CAST: variants seen among roughly 807,000 people sequenced by gnomAD.
The protein encoded by CAST is calpastatin.
Under a neutral mutation model 119.6 loss-of-function variants are expected in CAST, and 76 were observed. That is an observed-to-expected ratio of 0.64 (90% CI 0.53 to 0.77). CAST has a LOEUF of 0.77. Ranked by LOEUF, CAST falls within the 30% of genes least tolerant of loss-of-function variation. The pLI, the probability that CAST is intolerant of heterozygous loss-of-function variation, is 0.00. For synonymous variants in CAST, 319 were observed against 331.6 expected, an observed-to-expected ratio of 0.96 and a Z score of 0.41; for missense variants, 953 against 946.5, an observed-to-expected ratio of 1.01 and a Z score of -0.09.
chr5:96,376,738 C>A, the CAST span, among the ~76,000 whole-genome samples: 2 of 152,174 alleles, frequency 1.3e-5, no homozygotes, highest in Non-Finnish European at 2.9e-5. Flanking sequence ...CCATACCCAG[C>A]CCCATACTAT....
chr5:96,225,054 G>A, the CAST span, among the ~76,000 whole-genome samples: 7 of 152,204 alleles, frequency 4.6e-5, no homozygotes, highest in Non-Finnish European at 7.3e-5. Context: ...TTGATGGCGT[G>A]GAGGTAACTT....
chr5:96,385,218 G>A, the CAST span, among the ~76,000 whole-genome samples: 279 of 152,292 alleles, frequency 1.8e-3, no homozygotes, highest in African/African-American at 6.3e-3. Flanking sequence ...TCCTAAGAAC[G>A]TTGGTTCCTT....
At chr5:96,441,846 C>T in the CAST span, among the ~76,000 whole-genome samples, 1 of 152,074 alleles carries the variant, frequency 6.6e-6, no homozygotes, top group Non-Finnish European at 1.5e-5. Flanking sequence ...TGTGATTATG[C>T]GTATGGGTGA....
chr5:96,465,744 G>A, the CAST span, among the ~76,000 whole-genome samples: 2 of 152,006 alleles, frequency 1.3e-5, no homozygotes, highest in African/African-American at 4.8e-5. Context: ...TTTATCCTTA[G>A]GTTACCATGA....
At chr5:96,342,928 A>T in the CAST span, among the ~76,000 whole-genome samples, 2 of 152,208 alleles carry the variant, frequency 1.3e-5, no homozygotes, top group Non-Finnish European at 2.9e-5. Context: ...AATGTCTTTA[A>T]AATTATGATA....
At chr5:96,450,593 T>G in the CAST span, among the ~76,000 whole-genome samples, 2 of 152,180 alleles carry the variant, frequency 1.3e-5, no homozygotes, top group Non-Finnish European at 2.9e-5. Context: ...CCCATATAAA[T>G]AAGTAAATAA....
the CAST span, among the ~76,000 whole-genome samples, chr5:96,388,896 TAC>T: frequency 5.9e-5 from 9 of 151,934 alleles, no homozygotes; most frequent in African/African-American, 1.7e-4. Context: ...TACATATATA[TAC>T]ACACACACAT....
the CAST span, among the ~76,000 whole-genome samples, chr5:96,473,021 C>G: frequency 6.6e-6 from 1 of 152,218 alleles, no homozygotes; most frequent in Non-Finnish European, 1.5e-5. Flanking sequence ...ATGGCCTTCC[C>G]TGTATGGGTC....
the CAST span, among the ~76,000 whole-genome samples, chr5:95,966,269 C>T: frequency 2.0e-5 from 3 of 152,136 alleles, no homozygotes; most frequent in East Asian, 5.8e-4. Context: ...CTAAAACCCT[C>T]CCTAGCCTTG....
At chr5:96,457,802 G>T in the CAST span, among the ~76,000 whole-genome samples, 2 of 152,176 alleles carry the variant, frequency 1.3e-5, no homozygotes, top group African/African-American at 4.8e-5. Flanking sequence ...CAAAAGGATG[G>T]TGTGGGGACA....
the CAST span, among the ~76,000 whole-genome samples, chr5:96,454,086 A>G: frequency 9.1e-3 from 1,337 of 146,132 alleles, 24 homozygotes; most frequent in African/African-American, 0.031. Flanking sequence ...TTCTCCAAAT[A>G]TATCTTTTTT....
chr5:96,304,379 T>C, the CAST span, among the ~76,000 whole-genome samples: 1 of 152,222 alleles, frequency 6.6e-6, no homozygotes, highest in Admixed American at 6.5e-5. Context: ...ATTACAAAAA[T>C]TTTCTCCCAT....
At chr5:96,205,932 A>C in the CAST span, among the ~76,000 whole-genome samples, 1 of 152,060 alleles carries the variant, frequency 6.6e-6, no homozygotes, top group African/African-American at 2.4e-5. Flanking sequence ...ACTAATTTAC[A>C]ACAGTGTGTA....
At chr5:96,040,004 G>A in the CAST span, among the ~76,000 whole-genome samples, 1 of 152,158 alleles carries the variant, frequency 6.6e-6, no homozygotes, top group African/African-American at 2.4e-5. Flanking sequence ...CTATCCATGA[G>A]CATGGAATGT....
At chr5:96,466,220 A>G in the CAST span, among the ~76,000 whole-genome samples, 1 of 152,102 alleles carries the variant, frequency 6.6e-6, no homozygotes, top group Non-Finnish European at 1.5e-5. Flanking sequence ...AAAGTTACTT[A>G]GCTTTGTCCT....
At chr5:96,315,696 T>C in the CAST span, among the ~76,000 whole-genome samples, 1 of 152,246 alleles carries the variant, frequency 6.6e-6, no homozygotes, top group Non-Finnish European at 1.5e-5. Flanking sequence ...GCTCTGTAAC[T>C]GCTTTGACCA....
the CAST span, among the ~76,000 whole-genome samples, chr5:96,188,596 A>G: frequency 6.6e-6 from 1 of 152,152 alleles, no homozygotes; most frequent in East Asian, 1.9e-4. Context: ...AGTGAATACC[A>G]TGTAAGATGG....
chr5:96,110,595 G>C, the CAST span, among the ~76,000 whole-genome samples: 3 of 152,152 alleles, frequency 2.0e-5, no homozygotes, highest in East Asian at 5.8e-4. Flanking sequence ...TACTCTGGCT[G>C]AGGTACAAGG....
the CAST span, among the ~76,000 whole-genome samples, chr5:96,143,033 G>T: frequency 6.6e-6 from 1 of 151,978 alleles, no homozygotes; most frequent in East Asian, 1.9e-4. Context: ...ATCACTCCAC[G>T]TTACAATGTC....
Sources: gnomAD v4.1 joint callset for allele counts (sites outside exome capture counted in the v4.1 genomes callset) on GRCh38, gnomAD v4.1.1 for gene constraint, MANE v1.5 for transcripts, NCBI Gene and HGNC (gene_info 2026-07-23, HGNC 2026-07-21) for gene names.